SARNP: variants seen among roughly 807,000 people sequenced by gnomAD.
SARNP encodes SAP domain-containing ribonucleoprotein.
SARNP carries 5 observed loss-of-function variants against 38.1 expected under a neutral mutation model. The ratio of observed to expected loss-of-function variants is 0.13; its 90% CI spans 0.07 to 0.28. The LOEUF (loss-of-function observed/expected upper bound fraction) is 0.28, where lower values mean the gene tolerates loss of function less well. Ranked by LOEUF, SARNP falls within the 10% of genes least tolerant of loss-of-function variation. SARNP has a pLI of 1.00. For missense variants in SARNP, 180 were observed against 243.9 expected (o/e 0.74, Z 1.75); for synonymous variants, 84 against 80.6 (o/e 1.04, Z -0.23).
intron 7 of SARNP, among the ~76,000 whole-genome samples, chr12:55,791,870 T>C (rs1296611545): frequency 6.6e-6 from 1 of 152,248 alleles, no homozygotes; most frequent in African/African-American, 2.4e-5. Flanking sequence ...CGTTATTTTT[T>C]AGAGTTACTC....
intron 1 of SARNP, among the ~76,000 whole-genome samples, chr12:55,808,517 G>A (rs1055956257): frequency 6.6e-6 from 1 of 151,986 alleles, no homozygotes; most frequent in Non-Finnish European, 1.5e-5. Context: ...GGCTAGTCTC[G>A]AACTCTCGAC....
intron 1 of SARNP, among the ~76,000 whole-genome samples, chr12:55,811,574 A>T (rs1164943916): frequency 8.9e-6 from 1 of 111,882 alleles, no homozygotes; most frequent in East Asian, 2.6e-4. Context: ...TGTCTCAAAA[A>T]ACAAACAAAC....
At chr12:55,754,659 C>T (rs1056163189), downstream of SARNP, 16 of 152,188 alleles carry the variant, frequency 1.1e-4, no homozygotes, top group Non-Finnish European at 2.2e-4. Context: ...TTCCACAGTA[C>T]CCTGATCACC....
intron 4 of SARNP, among the ~76,000 whole-genome samples, chr12:55,798,635 T>C (rs771795255): frequency 1.3e-5 from 2 of 152,194 alleles, no homozygotes; most frequent in Non-Finnish European, 2.9e-5. Flanking sequence ...GAAAAGGACA[T>C]GCAGAACTAC....
At chr12:55,799,559 CT>C (rs10529763) in intron 4 of SARNP, among the ~76,000 whole-genome samples, 98 of 112,230 alleles carry the variant, frequency 8.7e-4, no homozygotes, top group Non-Finnish European at 1.1e-3. Flanking sequence ...GAGTGTCACA[CT>C]TTTTTTTTTT....
chr12:55,777,134 C>T (rs1033904108), intron 9 of SARNP, among the ~76,000 whole-genome samples: 1 of 152,126 alleles, frequency 6.6e-6, no homozygotes, highest in Non-Finnish European at 1.5e-5. Flanking sequence ...CTACAAATTT[C>T]TTTACCTGAA....
chr12:55,767,806 C>T (rs1361422841), intron 9 of SARNP, among the ~76,000 whole-genome samples: 2 of 145,446 alleles, frequency 1.4e-5, no homozygotes, highest in African/African-American at 5.1e-5. Context: ...GAGATCGCGC[C>T]ACTGCACTCC....
intron 9 of SARNP, among the ~76,000 whole-genome samples, chr12:55,775,537 A>C (rs536798743): frequency 2.1e-5 from 3 of 146,322 alleles, no homozygotes; most frequent in African/African-American, 7.9e-5. Flanking sequence ...TCAAAAAAAA[A>C]AAAACAAAAA....
At chr12:55,784,764 G>A (rs1879441042) in intron 9 of SARNP, among the ~76,000 whole-genome samples, 1 of 152,224 alleles carries the variant, frequency 6.6e-6, no homozygotes, top group Non-Finnish European at 1.5e-5. Context: ...CAGTGCTGGT[G>A]TAGACAGCAA....
rs115462134 is a variant in SARNP, at chr12:55,783,969, C to T, written c.501+5106G>A. On this transcript the variant is annotated intron_variant, in intron 9 of 10. Coordinates refer to ENST00000336133, the MANE Select transcript of SARNP (RefSeq NM_033082.4). ...AAATCAATCATAAACATTATTCAAT[C>T]CATGGCTCATTTGCTCTCATATACT... Among the ~76,000 whole-genome samples, 481 of 152,166 alleles carry T rather than the reference C, an allele frequency of 3.2e-3. 2 individuals are homozygous for T. The highest frequency in any genetic ancestry group is 0.011 in the African/African-American group (444 of 41,502).
chr12:55,803,649 T>C lies in SARNP; in HGVS notation c.116A>G (p.Gln39Arg). The stretch of plus-strand genomic sequence containing the variant: ...CTCACCATGTTCTTCAAGATATGCC[T>C]GGAGTCTGTGGATAAGATCTTGCTT... The part of the protein sequence containing the change: ...GIKQDLIHRL[Q>R]AYLEEHAEEE... The change falls in exon 2 of 11, where the codon CAG (glutamine) becomes CGG (arginine). Residue 39 changes from glutamine to arginine, a missense_variant. Transcript: ENST00000336133. 1 of 1,612,448 alleles carries C rather than the reference T, an allele frequency of 6.2e-7. No homozygotes were observed. Among genetic ancestry groups the C allele is most frequent in the South Asian group, 1.1e-5 (1 of 91,000 alleles).
intron 9 of SARNP, among the ~76,000 whole-genome samples, chr12:55,787,839 C>A (rs925554836): frequency 6.6e-6 from 1 of 152,036 alleles, no homozygotes; most frequent in Non-Finnish European, 1.5e-5. Context: ...AGCTCCCCCT[C>A]CCAGGTTCAT....
intron 1 of SARNP, among the ~76,000 whole-genome samples, chr12:55,813,239 C>T (rs1227593487): frequency 3.3e-5 from 5 of 152,032 alleles, no homozygotes; most frequent in Non-Finnish European, 1.5e-5. Flanking sequence ...CCACCGTGCC[C>T]GGCATGTTTA....
At chr12:55,799,602 G>A (rs1214724604) in intron 4 of SARNP, among the ~76,000 whole-genome samples, 2 of 117,112 alleles carry the variant, frequency 1.7e-5, no homozygotes, top group East Asian at 5.2e-4. Flanking sequence ...CTCCCAGGCT[G>A]GAGTGCAGTG....
intron 1 of SARNP, among the ~76,000 whole-genome samples, chr12:55,817,352 C>A (rs896633168): frequency 6.6e-6 from 1 of 152,164 alleles, no homozygotes; most frequent in Non-Finnish European, 1.5e-5. Flanking sequence ...GACCAACTGA[C>A]GTAATGCAGC....
chr12:55,786,763 G>C (rs1022236388), intron 9 of SARNP, among the ~76,000 whole-genome samples: 1 of 152,050 alleles, frequency 6.6e-6, no homozygotes, highest in African/African-American at 2.4e-5. Flanking sequence ...CCTTTGGTTT[G>C]TAACAGCCCT....
chr12:55,806,935 A>T (rs1054984446), intron 1 of SARNP, among the ~76,000 whole-genome samples: 1 of 152,226 alleles, frequency 6.6e-6, no homozygotes, highest in South Asian at 2.1e-4. Context: ...CAGATTTGAG[A>T]GTTTCACAAA....
chr12:55,774,296 C>T (rs566970146), intron 9 of SARNP, among the ~76,000 whole-genome samples: 1 of 152,180 alleles, frequency 6.6e-6, no homozygotes, highest in South Asian at 2.1e-4. Context: ...GCCACTGTAC[C>T]ACATTTGTTC....
Position 55,757,273 on chromosome 12 carries a change from T to C in SARNP, c.*239A>G. The C allele has an allele frequency of 2.6e-6, 1 of 378,780 alleles. No individual in the cohort carries two copies. Among genetic ancestry groups the C allele is most frequent in the Non-Finnish European group, 4.8e-6 (1 of 209,738 alleles). 23.5% of individuals were successfully genotyped at this position (378,780 alleles called of 1,614,324 possible). A position where few individuals can be genotyped will look rare whatever the true frequency, so the allele number is the denominator to read the frequency against. On this transcript the variant is annotated 3_prime_UTR_variant, in exon 11 of 11. Coordinates refer to ENST00000336133, the MANE Select transcript of SARNP (RefSeq NM_033082.4). ...GAGCACCTAATAAAACACATTGTTC[T>C]CTTTTCTATTTTTTTTTATTAACAA...
Sources: allele counts gnomAD v4.1 joint callset (sites outside exome capture counted in the v4.1 genomes callset), GRCh38; gene constraint gnomAD v4.1.1; transcripts MANE v1.5; gene names NCBI Gene and HGNC (gene_info 2026-07-23, HGNC 2026-07-21).